The following ANKRD55 variants were observed in gnomAD, a reference collection of about 807,000 sequenced individuals.
ANKRD55 encodes ankyrin repeat domain 55, also known as ankyrin repeat domain-containing protein 55.
ANKRD55 carries 41 observed loss-of-function variants against 60.6 expected under a neutral mutation model. That is an observed-to-expected ratio of 0.68 (90% CI 0.53 to 0.88). ANKRD55 has a LOEUF of 0.88. Among genes scored for constraint, ANKRD55 ranks in the 40% least tolerant of loss-of-function variants. The pLI is 0.00. For synonymous variants in ANKRD55, 264 were observed against 290.3 expected, an observed-to-expected ratio of 0.91 and a Z score of 0.92; for missense variants, 732 against 767.6, an observed-to-expected ratio of 0.95 and a Z score of 0.55.
intron 10 of ANKRD55, 139 bp from the exon 11 acceptor site, chr5:56,102,725 A>C (rs1221632141): frequency 1.7e-6 from 1 of 593,198 alleles, no homozygotes; most frequent in African/African-American, 1.9e-5. Flanking sequence ...AAACAATGAT[A>C]GCTACACTTT....
chr5:56,189,536 T>C (rs1471786235), intron 2 of ANKRD55, among the ~76,000 whole-genome samples: 1 of 152,214 alleles, frequency 6.6e-6, no homozygotes, highest in African/African-American at 2.4e-5. Flanking sequence ...GTCTATGAAT[T>C]TGACTACTAA....
intron 8 of ANKRD55, among the ~76,000 whole-genome samples, chr5:56,119,244 G>A (rs1370279634): frequency 6.6e-6 from 1 of 152,210 alleles, no homozygotes; most frequent in Non-Finnish European, 1.5e-5. Context: ...ACTCAGTAGT[G>A]AAAAAGAACA....
chr5:56,198,456 T>G (rs1759278791), intron 2 of ANKRD55, among the ~76,000 whole-genome samples: 1 of 152,076 alleles, frequency 6.6e-6, no homozygotes, highest in Admixed American at 6.5e-5. Flanking sequence ...CAGCTCATTT[T>G]GTAGTTTTAG....
chr5:56,166,095 T>C (rs550458045), intron 5 of ANKRD55, among the ~76,000 whole-genome samples: 13 of 27,250 alleles, frequency 4.8e-4, no homozygotes, highest in South Asian at 1.5e-3. Context: ...TTTTTCTTTC[T>C]TTCTTTCTTT....
rs1419826632 is a variant in ANKRD55 at position 56,100,356 on chromosome 5, G to A, written c.1724-52C>T. ...CTTTCAAGATTTGCTTCTCTAACAG[G>A]AAGGCGGCAGGAGAATTGTATTGTG... On this transcript the variant is annotated intron_variant, in intron 11 of 11. Coordinates refer to ENST00000341048, the MANE Select transcript of ANKRD55 (RefSeq NM_024669.3). 3.1e-6 allele frequency: 5 copies of A among 1,608,264 alleles called. No individual in the cohort carries two copies. The Middle Eastern group carries it at 4.9e-4, about 159-fold the overall frequency.
intron 9 of ANKRD55, among the ~76,000 whole-genome samples, chr5:56,115,468 A>G (rs1350614110): frequency 1.3e-5 from 2 of 151,766 alleles, no homozygotes; most frequent in Non-Finnish European, 2.9e-5. Context: ...ACAGGCACGC[A>G]CCACCACATC....
intron 2 of ANKRD55, among the ~76,000 whole-genome samples, chr5:56,201,099 A>T (rs988061580): frequency 6.6e-6 from 1 of 152,224 alleles, no homozygotes; most frequent in Non-Finnish European, 1.5e-5. Context: ...ATATTATGGC[A>T]GGACGGGAAG....
At chr5:56,101,032 C>T (rs1756255815) in intron 11 of ANKRD55, among the ~76,000 whole-genome samples, 1 of 152,180 alleles carries the variant, frequency 6.6e-6, no homozygotes, top group Non-Finnish European at 1.5e-5. Context: ...TTGGTTTCTG[C>T]TACTAACTCT....
chr5:56,144,533 T>A (rs975803372), intron 6 of ANKRD55, among the ~76,000 whole-genome samples: 1 of 140,400 alleles, frequency 7.1e-6, no homozygotes. Flanking sequence ...CAATGTGAAA[T>A]GAGGTTGGAG....
At chr5:56,221,184 A>G (rs1279324405) in intron 2 of ANKRD55, among the ~76,000 whole-genome samples, 2 of 152,160 alleles carry the variant, frequency 1.3e-5, no homozygotes, top group Non-Finnish European at 2.9e-5. Flanking sequence ...TGCCTTTCAA[A>G]ACTCCTTTCA....
At chr5:56,180,393 C>T (rs1758827777) in intron 3 of ANKRD55, among the ~76,000 whole-genome samples, 1 of 152,176 alleles carries the variant, frequency 6.6e-6, no homozygotes, top group Admixed American at 6.5e-5. Context: ...TTTTAACTAT[C>T]CTAGTTCCTT....
intron 2 of ANKRD55, among the ~76,000 whole-genome samples, chr5:56,191,706 T>C (rs1759096862): frequency 3.9e-5 from 6 of 152,154 alleles, no homozygotes; most frequent in Admixed American, 3.9e-4. Flanking sequence ...AATTTAGACA[T>C]AAAGTGAAGC....
At chr5:56,224,507 TAG>T (rs959500259) in intron 2 of ANKRD55, among the ~76,000 whole-genome samples, 22 of 152,036 alleles carry the variant, frequency 1.4e-4, no homozygotes, top group African/African-American at 4.6e-4. Flanking sequence ...CTGAAGGAGA[TAG>T]AGACACAAAA....
At chr5:56,217,209 C>A (rs1759834150) in intron 2 of ANKRD55, among the ~76,000 whole-genome samples, 1 of 152,188 alleles carries the variant, frequency 6.6e-6, no homozygotes, top group Admixed American at 6.5e-5. Flanking sequence ...ACATGGTTTA[C>A]TGAATATTTT....
intron 7 of ANKRD55, among the ~76,000 whole-genome samples, chr5:56,133,132 T>C (rs1310054089): frequency 1.3e-5 from 2 of 152,152 alleles, no homozygotes; most frequent in African/African-American, 2.4e-5. Context: ...AGTAGGAATA[T>C]AGTTGAACTT....
At chr5:56,189,739 C>T (rs756295600) in intron 2 of ANKRD55, among the ~76,000 whole-genome samples, 5 of 152,154 alleles carry the variant, frequency 3.3e-5, no homozygotes, top group South Asian at 2.1e-4. Context: ...TGGACACTTG[C>T]GTTGTTCCCA....
At chr5:56,226,435 G>A (rs979282709) in intron 2 of ANKRD55, among the ~76,000 whole-genome samples, 4 of 152,132 alleles carry the variant, frequency 2.6e-5, no homozygotes, top group South Asian at 2.1e-4. Flanking sequence ...AGGACTTCAC[G>A]TCTAAAACAC....
At chr5:56,149,214 A>G (rs565270643) in intron 6 of ANKRD55, among the ~76,000 whole-genome samples, 1 of 152,320 alleles carries the variant, frequency 6.6e-6, no homozygotes, top group East Asian at 1.9e-4. Flanking sequence ...TAAACTGAGT[A>G]GATAGACGGT....
At chr5:56,113,546 C>T (rs897484456) in intron 9 of ANKRD55, among the ~76,000 whole-genome samples, 27 of 152,188 alleles carry the variant, frequency 1.8e-4, no homozygotes, top group Middle Eastern at 6.8e-3. Context: ...CGGGCTGAAC[C>T]GGACACTTTT....
Sources: allele counts gnomAD v4.1 joint callset (sites outside exome capture counted in the v4.1 genomes callset), GRCh38; gene constraint gnomAD v4.1.1; transcripts MANE v1.5; gene names NCBI Gene and HGNC (gene_info 2026-07-23, HGNC 2026-07-21).